Variants in MAP3K6 observed in about 807,000 individuals in gnomAD.
The protein encoded by MAP3K6 is apoptosis signal-regulating kinase 2.
A neutral mutation model predicts 147.1 loss-of-function variants in MAP3K6; 105 were observed. That is an observed-to-expected ratio of 0.71 (90% confidence interval 0.61 to 0.84). The LOEUF is 0.84. MAP3K6 is among the 40% of genes least tolerant of loss of function. The pLI is 0.00. For missense variants in MAP3K6, 1,569 were observed against 1,715.0 expected (o/e 0.91, Z 1.50); for synonymous variants, 695 against 732.4 (o/e 0.95, Z 0.82).
In MAP3K6 at chr1:27,356,158, A is replaced by C. The variant is rs564877281; in HGVS notation, c.3638-59T>G. The C allele has an allele frequency of 2.7e-6, 4 of 1,491,308 alleles. No individual in the cohort carries two copies. In the African/African-American group the frequency reaches 5.6e-5, roughly 21 times the overall value. The allele number at this position is 1,491,308 out of a possible 1,614,324, so 92.4% of individuals were successfully genotyped here. ...GTGCCTCCTGCTAGAAGCTGCCTCG[A>C]ACCCACCAATAGTGTTCTCCAGCCA... is the stretch of plus-strand genomic sequence containing the variant. On this transcript the variant is annotated intron_variant, in intron 26 of 28. Transcript: ENST00000357582.
chr1:27,362,087 C>T lies in MAP3K6; in HGVS notation c.1415+4G>A, dbSNP rs777046674. 1 of 1,606,624 alleles carries T rather than the reference C, an allele frequency of 6.2e-7. No homozygotes were observed. The highest frequency in any genetic ancestry group is 8.5e-7 in the Non-Finnish European group (1 of 1,175,734). ...AGGCCAAGAATGCAGAGGGGGCCAC[C>T]TACCATATGGGGGCATTGAGCTTAT... On this transcript the variant is annotated splice_donor_region_variant and intron_variant, in intron 9 of 28. Coordinates refer to ENST00000357582, the MANE Select transcript of MAP3K6 (RefSeq NM_004672.5).
intron 28 of MAP3K6, 60 bp downstream of exon 28, chr1:27,355,609 C>T: frequency 6.3e-7 from 1 of 1,597,570 alleles, no homozygotes; most frequent in Non-Finnish European, 8.6e-7. Flanking sequence ...CTAGGCAGGC[C>T]TGCAGTTGGC....
chr1:27,364,871 A>AGG lies in MAP3K6; in HGVS notation c.380_381dup (p.Ser128ProfsTer15). On this transcript the variant is annotated frameshift_variant, in exon 2 of 29. Coordinates refer to ENST00000357582, the MANE Select transcript of MAP3K6 (RefSeq NM_004672.5). LOFTEE classifies it high-confidence loss of function. The surrounding 1 kb of genome is among the most constrained non-coding windows in gnomAD (Gnocchi z 4.4). ...CGCACACCAAGGTGGTAGAACAGGG[A>AGG]GGGCTGTACCAGCGAGCTGCTCACC... The AGG allele has an allele frequency of 6.2e-7, 1 of 1,608,646 alleles. No individual in the cohort carries two copies.
Position 27,358,518 on chromosome 1 carries a change from G to C in MAP3K6, c.2677C>G (p.Leu893Val). The C allele has an allele frequency of 6.2e-7, 1 of 1,607,054 alleles. No individual in the cohort carries two copies. Among genetic ancestry groups the C allele is most frequent in the Non-Finnish European group, 8.5e-7 (1 of 1,178,006 alleles). ...AGCAGTGTCTGGGCGCTGGCTCGGA[G>C]GCGGGGGTCTGGCTCAAAAGTTCGG... The part of the protein sequence containing the change: ...LLRTFEPDPR[L>V]RASAQTLLGD... The change falls in exon 20 of 29, where the codon CTC becomes GTC. Residue 893 changes from leucine (L) to valine (V), a missense_variant. Physicochemically the swap from Leu to Val is conservative, Grantham distance 32. Transcript: ENST00000357582. The surrounding 1 kb of genome is among the most constrained non-coding windows in gnomAD (Gnocchi z 6.2).
At position 27,366,126 on chromosome 1, in the gene MAP3K6, G is replaced by C. The variant is rs941487979; in HGVS notation, c.340+132C>G. 7.2e-5 allele frequency: 72 copies of C among 1,005,042 alleles called. No homozygotes were observed. Among genetic ancestry groups the C allele is most frequent in the Non-Finnish European group, 9.2e-5 (72 of 782,378 alleles). 62.3% of individuals were successfully genotyped at this position (1,005,042 alleles called of 1,614,324 possible). ...TCACGGCCCTGTCCCAAGCCCTTCA[G>C]CTTTAGCTCACTTTAAGTCCCCTAG... is the stretch of plus-strand genomic sequence containing the variant. On this transcript the variant is annotated intron_variant, in intron 1 of 28. Transcript: ENST00000357582. This position sits in a 1 kb window ranked among gnomAD's most constrained non-coding sequence, Gnocchi z 5.5.
In MAP3K6 at chr1:27,359,594, C is replaced by T; in HGVS notation, c.2320-72G>A. The T allele has an allele frequency of 1.3e-6, 2 of 1,597,576 alleles. No homozygotes were observed. Among genetic ancestry groups the T allele is most frequent in the Admixed American group, 3.5e-5 (2 of 57,842 alleles). The stretch of plus-strand genomic sequence containing the variant: ...GAAGTAGACCCTCTTTCTGGGATCC[C>T]ATCTCCTGGAGATCCCAGCCTGGTC... On this transcript the variant is annotated intron_variant, in intron 17 of 28. Coordinates refer to ENST00000357582, the MANE Select transcript of MAP3K6 (RefSeq NM_004672.5). This position sits in a 1 kb window ranked among gnomAD's most constrained non-coding sequence, Gnocchi z 4.4.
rs1415792484 is a variant in MAP3K6, at chr1:27,364,755, C to G, written c.480+18G>C. ...ACCCCAGCCCTGTGCCTGCCTCCAC[C>G]AGCCCCAGGCCACCTACCCGCAGGG... On this transcript the variant is annotated intron_variant, in intron 2 of 28. Transcript: ENST00000357582. The surrounding 1 kb of genome is among the most constrained non-coding windows in gnomAD (Gnocchi z 4.4). 2.5e-6 allele frequency: 4 copies of G among 1,613,856 alleles called. No individual in the cohort carries two copies. The highest frequency in any genetic ancestry group is 3.3e-5 in the Admixed American group (2 of 60,026).
chr1:27,363,648 C>T (rs532031354), intron 5 of MAP3K6, 100 bp from the exon 6 acceptor site: 3 of 944,626 alleles, frequency 3.2e-6, no homozygotes, highest in Non-Finnish European at 4.7e-6. Flanking sequence ...ACCCAGCCAC[C>T]ATCTTCTGCA....
rs72882742 is a variant in MAP3K6, at chr1:27,364,178, G to T, written c.695+26C>A. On this transcript the variant is annotated intron_variant, in intron 4 of 28. Coordinates refer to ENST00000357582, the MANE Select transcript of MAP3K6 (RefSeq NM_004672.5). This position sits in a 1 kb window ranked among gnomAD's most constrained non-coding sequence, Gnocchi z 4.4. ...ATACCCTCACCAGCCCCCTCCTGGA[G>T]CACCCTCCCTGGGGGCCTTCATTAC... The T allele has an allele frequency of 3.7e-3, 5,869 of 1,603,536 alleles. 206 individuals carry two copies. The African/African-American group carries it at 0.07, about 19-fold the overall frequency.
At position 27,355,660 on chromosome 1, in the gene MAP3K6, AG is replaced by A; in HGVS notation, c.3788+8del. 1 of 1,613,420 alleles carries A rather than the reference AG, an allele frequency of 6.2e-7. No homozygotes were observed. The highest frequency in any genetic ancestry group is 8.5e-7 in the Non-Finnish European group (1 of 1,179,924). On this transcript the variant is annotated splice_region_variant and intron_variant, in intron 28 of 28. Coordinates refer to ENST00000357582, the MANE Select transcript of MAP3K6 (RefSeq NM_004672.5). Reference sequence around the variant, plus strand: ...TGCATGGTTCACACTTGGGGGGCCCAGGATGTACCTGATGCGGGTGTAGATG... The same window carrying A: ...TGCATGGTTCACACTTGGGGGGCCCAGATGTACCTGATGCGGGTGTAGATG...
intron 26 of MAP3K6, 87 bp downstream of exon 26, chr1:27,356,301 C>A: frequency 7.6e-7 from 1 of 1,319,276 alleles, no homozygotes; most frequent in Non-Finnish European, 1.0e-6. Flanking sequence ...GGTGATGAGC[C>A]CAAGTCAGGT....
At position 27,360,914 on chromosome 1, in the gene MAP3K6, T is replaced by G. The variant is rs756699584; in HGVS notation, c.1920+7A>C. The G allele has an allele frequency of 1.2e-6, 2 of 1,608,574 alleles. No homozygotes were observed. Among genetic ancestry groups the G allele is most frequent in the Non-Finnish European group, 1.7e-6 (2 of 1,177,442 alleles). ...CCCTCCGCGAGCTCCCAGTCCCGCG[T>G]CCTCACCTCCAACATCTCCCCCGCG... On this transcript the variant is annotated splice_region_variant and intron_variant, in intron 14 of 28. Coordinates refer to ENST00000357582, the MANE Select transcript of MAP3K6 (RefSeq NM_004672.5). The surrounding 1 kb of genome is among the most constrained non-coding windows in gnomAD (Gnocchi z 4.5).
chr1:27,365,037 T>G, intron 1 of MAP3K6, 125 bp from the exon 2 acceptor site: 3 of 1,029,478 alleles, frequency 2.9e-6, no homozygotes, highest in Non-Finnish European at 4.2e-6. Context: ...TGCTTTGGGC[T>G]TCAGTCGGCC....
At position 27,364,198 on chromosome 1, in the gene MAP3K6, C is replaced by T. The variant is rs1314058015; in HGVS notation, c.695+6G>A. 9 of 1,609,812 alleles carry T rather than the reference C, an allele frequency of 5.6e-6. No individual in the cohort carries two copies. Among genetic ancestry groups the T allele is most frequent in the Non-Finnish European group, 7.6e-6 (9 of 1,178,848 alleles). On this transcript the variant is annotated splice_donor_region_variant and intron_variant, in intron 4 of 28. Transcript: ENST00000357582. This position sits in a 1 kb window ranked among gnomAD's most constrained non-coding sequence, Gnocchi z 4.4. ...CTGGAGCACCCTCCCTGGGGGCCTT[C>T]ATTACCAAGAGTCTGTGGGTGTGGC...
In MAP3K6 at chr1:27,362,100, G is replaced by A. The variant is rs769927074; in HGVS notation, c.1406C>T (p.Ala469Val). The A allele has an allele frequency of 6.2e-7, 1 of 1,611,438 alleles. No individual in the cohort carries two copies. Among genetic ancestry groups the A allele is most frequent in the South Asian group, 1.1e-5 (1 of 90,764 alleles). The part of the protein sequence containing the change: ...LAAEQLYKLN[A>V]PIWYLVSVME... ...AGAGGGGGCCACCTACCATATGGGG[G>A]CATTGAGCTTATACAGCTGCTCTGC... Residue 469 changes from alanine (A) to valine (V), a missense_variant, in exon 9 of 29, where the codon GCC (alanine) becomes GTC (valine). Transcript: ENST00000357582.
intron 28 of MAP3K6, 65 bp from the exon 29 acceptor site, chr1:27,355,534 TG>T: frequency 6.3e-7 from 1 of 1,585,146 alleles, no homozygotes; most frequent in Non-Finnish European, 8.7e-7. Context: ...TTGCACACAC[TG>T]TCTGCCCAGT....
intron 27 of MAP3K6, 53 bp downstream of exon 27, chr1:27,355,973 G>T: frequency 6.5e-7 from 1 of 1,533,140 alleles, no homozygotes; most frequent in Non-Finnish European, 9.0e-7. Context: ...GATGGACAGA[G>T]ATGGAGGCTT....
At chr1:27,361,957 G>A in intron 9 of MAP3K6, 90 bp from the exon 10 acceptor site, 8 of 1,501,324 alleles carry the variant, frequency 5.3e-6, no homozygotes, top group Non-Finnish European at 7.1e-6. Context: ...CTAGAACGTT[G>A]GCATGGGGTG....
Position 27,364,590 on chromosome 1 carries a change from G to T in MAP3K6, c.504+71C>A. ...GGTTAGGTGACTGAGGAGGCCAGGGGGATTAGTGGAGGTCAGAGGTCATAG... is the reference window on the plus strand; with the variant it reads ...GGTTAGGTGACTGAGGAGGCCAGGGTGATTAGTGGAGGTCAGAGGTCATAG... On this transcript the variant is annotated intron_variant, in intron 3 of 28. Transcript: ENST00000357582. This position sits in a 1 kb window ranked among gnomAD's most constrained non-coding sequence, Gnocchi z 4.4. 6 of 1,606,962 alleles carry T rather than the reference G, an allele frequency of 3.7e-6. No homozygotes were observed. The highest frequency in any genetic ancestry group is 5.1e-6 in the Non-Finnish European group (6 of 1,173,602).
Sources: gnomAD v4.1 joint callset for allele counts on GRCh38, gnomAD v4.1.1 for gene constraint, Gnocchi (gnomAD v3.1) non-coding constraint, MANE v1.5 for transcripts, NCBI Gene and HGNC (gene_info 2026-07-23, HGNC 2026-07-21) for gene names.